NRG3: variants seen among roughly 807,000 people sequenced by gnomAD.
NRG3 encodes neuregulin 3, also known as pro-neuregulin-3, membrane-bound isoform.
Under a neutral mutation model 66.9 loss-of-function variants are expected in NRG3, and 31 were observed. That is an observed-to-expected ratio of 0.46 (90% CI 0.35 to 0.63). The LOEUF (loss-of-function observed/expected upper bound fraction) is 0.63, where lower values mean the gene tolerates loss of function less well. Ranked by LOEUF, NRG3 falls within the 20% of genes least tolerant of loss-of-function variation. The probability of loss-of-function intolerance (pLI) is 0.00; values close to 1 mark genes in which losing one functional copy is unlikely to be tolerated. For missense variants in NRG3, 910 were observed against 878.9 expected (o/e 1.04, Z -0.45); for synonymous variants, 393 against 359.4 (o/e 1.09, Z -1.06).
At chr10:82,108,732 C>T (rs1339048124) in intron 1 of NRG3, among the ~76,000 whole-genome samples, 1 of 152,160 alleles carries the variant, frequency 6.6e-6, no homozygotes, top group Non-Finnish European at 1.5e-5. Flanking sequence ...TCCTAGCGTT[C>T]ATAATAGCTA....
intron 6 of NRG3, among the ~76,000 whole-genome samples, 163 bp downstream of exon 6, chr10:82,959,238 A>G (rs1432970974): frequency 6.6e-6 from 1 of 152,240 alleles, no homozygotes; most frequent in Non-Finnish European, 1.5e-5. Flanking sequence ...GCACACATGC[A>G]TGTATGTATG....
intron 2 of NRG3, among the ~76,000 whole-genome samples, chr10:82,407,446 A>G (rs550190432): frequency 6.6e-6 from 1 of 152,290 alleles, no homozygotes; most frequent in South Asian, 2.1e-4. Context: ...CAACTCTATC[A>G]CTTATGAATT....
intron 2 of NRG3, among the ~76,000 whole-genome samples, chr10:82,729,783 G>A (rs935879418): frequency 1.3e-5 from 2 of 152,210 alleles, no homozygotes; most frequent in African/African-American, 4.8e-5. Flanking sequence ...GACCAATGAA[G>A]TGTACGGCTA....
chr10:81,919,123 T>C (rs1021803103), intron 1 of NRG3, among the ~76,000 whole-genome samples: 1 of 152,176 alleles, frequency 6.6e-6, no homozygotes, highest in Non-Finnish European at 1.5e-5. Flanking sequence ...GTTGAATTCT[T>C]GTTGGAATTA....
Position 82,761,821 on chromosome 10 carries a change from CAT to C in NRG3, c.1027+23178_1027+23179del, listed in dbSNP as rs1043119575. Among the ~76,000 whole-genome samples the C allele has an allele frequency of 8.6e-5, 13 of 151,672 alleles. No individual in the cohort carries two copies. The South Asian group carries it at 1.9e-3, about 22-fold the overall frequency. Reference sequence around the variant, plus strand: ...AAAAAATTAAGTTAAAATTATAAAACATATATATGTGTATGCACAAATATAAA... The same window carrying C: ...AAAAAATTAAGTTAAAATTATAAAACATATATGTGTATGCACAAATATAAA... On this transcript the variant is annotated intron_variant, in intron 3 of 8. Coordinates refer to ENST00000372141, the MANE Select transcript of NRG3 (RefSeq NM_001010848.4).
chr10:82,039,562 C>T (rs1310966734), intron 1 of NRG3, among the ~76,000 whole-genome samples: 1 of 152,062 alleles, frequency 6.6e-6, no homozygotes, highest in Non-Finnish European at 1.5e-5. Flanking sequence ...ATTTCCAAGG[C>T]ATGATATTTT....
At chr10:82,643,904 CCACACACA>C (rs3040199) in intron 2 of NRG3, among the ~76,000 whole-genome samples, 3 of 149,924 alleles carry the variant, frequency 2.0e-5, no homozygotes, top group Non-Finnish European at 4.5e-5. Flanking sequence ...ACACACACAC[CCACACACA>C]CACACACACA....
At chr10:82,563,760 A>T (rs1050657843) in intron 2 of NRG3, among the ~76,000 whole-genome samples, 2 of 152,040 alleles carry the variant, frequency 1.3e-5, no homozygotes, top group African/African-American at 4.8e-5. Flanking sequence ...AACATTTAAA[A>T]TCTACTCTTT....
intron 1 of NRG3, among the ~76,000 whole-genome samples, chr10:81,913,499 C>T (rs1371109935): frequency 6.6e-6 from 1 of 151,932 alleles, no homozygotes; most frequent in Non-Finnish European, 1.5e-5. Context: ...TCTCGGCTCA[C>T]TGCAACCTCT....
At chr10:82,066,627 A>G (rs190107380) in intron 1 of NRG3, among the ~76,000 whole-genome samples, 10 of 152,294 alleles carry the variant, frequency 6.6e-5, no homozygotes, top group Admixed American at 1.3e-4. Context: ...TTAAAATTCT[A>G]TAAGATCCAT....
chr10:82,895,425 T>G (rs898295551), intron 4 of NRG3, among the ~76,000 whole-genome samples: 1 of 151,892 alleles, frequency 6.6e-6, no homozygotes, highest in Non-Finnish European at 1.5e-5. Flanking sequence ...AACAAGAGAG[T>G]TTAATCATAT....
intron 2 of NRG3, among the ~76,000 whole-genome samples, chr10:82,596,804 T>C (rs2047308780): frequency 6.6e-6 from 1 of 152,226 alleles, no homozygotes; most frequent in African/African-American, 2.4e-5. Flanking sequence ...GAGAAGTCTA[T>C]GGCAATGCTC....
intron 3 of NRG3, among the ~76,000 whole-genome samples, chr10:82,812,039 G>T (rs1009947665): frequency 5.9e-5 from 9 of 152,192 alleles, no homozygotes; most frequent in African/African-American, 2.2e-4. Flanking sequence ...TTGGTATGAA[G>T]CCTGATAGCT....
chr10:82,973,956 CTG>C (rs1564682918), intron 7 of NRG3, 41 bp downstream of exon 7: 1 of 1,611,140 alleles, frequency 6.2e-7, no homozygotes, highest in Non-Finnish European at 8.5e-7. Flanking sequence ...CACCTTCACA[CTG>C]TGTGTATGCT....
chr10:81,927,796 A>T (rs1327608616), intron 1 of NRG3, among the ~76,000 whole-genome samples: 1 of 152,124 alleles, frequency 6.6e-6, no homozygotes, highest in Non-Finnish European at 1.5e-5. Flanking sequence ...TTGAAAAGGG[A>T]GTTCAAGCCA....
At chr10:82,911,124 A>G (rs1240849596) in intron 4 of NRG3, among the ~76,000 whole-genome samples, 1 of 152,212 alleles carries the variant, frequency 6.6e-6, no homozygotes. Flanking sequence ...TGTATGCACG[A>G]TCTTTGCAGT....
chr10:82,957,246 T>C (rs1431812101), intron 5 of NRG3, among the ~76,000 whole-genome samples: 1 of 151,822 alleles, frequency 6.6e-6, no homozygotes, highest in African/African-American at 2.4e-5. Context: ...GAGGAGGAAA[T>C]GGAGGCTCAA....
intron 2 of NRG3, among the ~76,000 whole-genome samples, chr10:82,418,187 G>A (rs934475980): frequency 6.6e-6 from 1 of 152,154 alleles, no homozygotes; most frequent in African/African-American, 2.4e-5. Context: ...TAGGGAGAAA[G>A]GCAGTTCACC....
intron 1 of NRG3, among the ~76,000 whole-genome samples, chr10:81,993,139 G>A (rs1407576416): frequency 1.3e-5 from 2 of 152,078 alleles, no homozygotes; most frequent in African/African-American, 2.4e-5. Context: ...GATTTCATCT[G>A]CTTAATTTTT....
Sources: gnomAD v4.1 joint callset for allele counts (sites outside exome capture counted in the v4.1 genomes callset) on GRCh38, gnomAD v4.1.1 for gene constraint, MANE v1.5 for transcripts, NCBI Gene and HGNC (gene_info 2026-07-23, HGNC 2026-07-21) for gene names.